The following SRGAP3 variants were observed in gnomAD, a reference collection of about 807,000 sequenced individuals.
SRGAP3 encodes SLIT-ROBO Rho GTPase activating protein 3.
SRGAP3 carries 39 observed loss-of-function variants against 121.1 expected under a neutral mutation model. The observed-to-expected ratio is 0.32, with a 90% CI of 0.25 to 0.42. SRGAP3 has a LOEUF of 0.42. Among genes scored for constraint, SRGAP3 ranks in the 10% least tolerant of loss-of-function variants. The pLI, the probability that SRGAP3 is intolerant of heterozygous loss-of-function variation, is 1.00. For missense variants in SRGAP3, 1,213 were observed against 1,470.6 expected, an observed-to-expected ratio of 0.82 and a Z score of 2.86; for synonymous variants, 601 against 570.0, an observed-to-expected ratio of 1.05 and a Z score of -0.77.
chr3:9,259,822 A>G (rs528518412), intron 3 of SRGAP3, among the ~76,000 whole-genome samples: 21 of 142,118 alleles, frequency 1.5e-4, no homozygotes, highest in African/African-American at 5.1e-4. Flanking sequence ...TCATTTAATG[A>G]GTTTAAATCT....
intron 1 of SRGAP3, among the ~76,000 whole-genome samples, chr3:9,146,455 T>A (rs767497148): frequency 3.3e-5 from 5 of 152,124 alleles, no homozygotes; most frequent in Non-Finnish European, 7.3e-5. Context: ...CAGCATCAAT[T>A]TCTATAACTG....
Position 9,013,517 on chromosome 3 carries a change from G to A in SRGAP3, c.1938C>T (p.Asp646=), listed in dbSNP as rs1250389353. The change falls in exon 17 of 22, where the codon GAC becomes GAT. Residue 646 remains aspartate, a synonymous_variant. Transcript: ENST00000383836. The part of the protein sequence containing the change: ...AFLNHLSQYS[D]ENMMDPYNLA... ...GGTTGTAGGGATCCATCATGTTCTC[G>A]TCGCTATACTGGGAGAGGCTAGGAG... The A allele has an allele frequency of 3.7e-6, 6 of 1,613,940 alleles. No individual in the cohort carries two copies. Among genetic ancestry groups the A allele is most frequent in the African/African-American group, 1.3e-5 (1 of 74,880 alleles).
chr3:9,050,288 C>G (rs549069612), intron 9 of SRGAP3, among the ~76,000 whole-genome samples: 78 of 152,258 alleles, frequency 5.1e-4, no homozygotes, highest in South Asian at 2.5e-3. Context: ...AAAAGCAGAG[C>G]TGAGGGGTAA....
At position 8,990,596 on chromosome 3, in the gene SRGAP3, C is replaced by G. The variant is rs1941979772; in HGVS notation, c.2802G>C (p.Gly934=). 6 of 1,605,024 alleles carry G rather than the reference C, an allele frequency of 3.7e-6. No individual in the cohort carries two copies. The East Asian group carries it at 1.3e-4, about 36-fold the overall frequency. ...NYPDKKALSE[G]HSMRSTCGST... The stretch of plus-strand genomic sequence containing the variant: ...AACCGCAGGTCGACCTCATCGAGTG[C>G]CCTTCGGAGAGCGCCTTCTTGTCAG... Residue 934 remains glycine (G), a synonymous_variant, in exon 21 of 22, where the codon GGG becomes GGC. Coordinates refer to ENST00000383836, the MANE Select transcript of SRGAP3 (RefSeq NM_014850.4).
At chr3:9,301,732 C>A (rs532518898) in intron 3 of SRGAP3, among the ~76,000 whole-genome samples, 1 of 152,172 alleles carries the variant, frequency 6.6e-6, no homozygotes, top group Non-Finnish European at 1.5e-5. Context: ...CAGGAATGAG[C>A]GTGGGACGCA....
chr3:9,330,037 C>A (rs1249844369), intron 2 of SRGAP3, among the ~76,000 whole-genome samples: 1 of 152,308 alleles, frequency 6.6e-6, no homozygotes, highest in East Asian at 1.9e-4. Context: ...TTCTATAAGA[C>A]TTCGCTGCCT....
At chr3:9,009,943 T>C (rs779171110) in intron 18 of SRGAP3, among the ~76,000 whole-genome samples, 23 of 152,204 alleles carry the variant, frequency 1.5e-4, no homozygotes, top group Non-Finnish European at 2.9e-4. Context: ...CAGCACAGGC[T>C]TGGCACAGAG....
At chr3:9,047,280 C>T in intron 10 of SRGAP3, 111 bp downstream of exon 10, 1 of 1,122,934 alleles carries the variant, frequency 8.9e-7, no homozygotes, top group South Asian at 1.3e-5. Flanking sequence ...CAGGTTCATT[C>T]TGCCAGGTGC....
At chr3:9,166,789 C>G (rs1950803458) in intron 1 of SRGAP3, among the ~76,000 whole-genome samples, 1 of 152,226 alleles carries the variant, frequency 6.6e-6, no homozygotes, top group African/African-American at 2.4e-5. Context: ...CTCTTGCAGT[C>G]ATCCAGGGCC....
intron 12 of SRGAP3, 141 bp from the exon 13 acceptor site, chr3:9,027,136 C>G (rs1944246806): frequency 5.0e-6 from 4 of 796,492 alleles, no homozygotes; most frequent in Non-Finnish European, 9.0e-6. Flanking sequence ...ACTGCTAATC[C>G]TAAAGTCTCC....
At chr3:9,328,703 A>G (rs1415943999) in intron 2 of SRGAP3, among the ~76,000 whole-genome samples, 1 of 152,238 alleles carries the variant, frequency 6.6e-6, no homozygotes, top group East Asian at 1.9e-4. Context: ...ATGTTAAACC[A>G]GAAAGGACTT....
chr3:9,036,280 A>C (rs1944738619), intron 11 of SRGAP3: 1 of 152,218 alleles, frequency 6.6e-6, no homozygotes, highest in African/African-American at 2.4e-5. Flanking sequence ...TCCATGGAAG[A>C]TACAGAGAGA....
chr3:9,099,755 G>A (rs1221916598), intron 3 of SRGAP3, among the ~76,000 whole-genome samples: 4 of 152,196 alleles, frequency 2.6e-5, no homozygotes, highest in African/African-American at 9.7e-5. Context: ...CTACTGAATC[G>A]GAAACTGTGG....
At chr3:9,259,169 A>G (rs994544660) in intron 3 of SRGAP3, among the ~76,000 whole-genome samples, 4 of 152,014 alleles carry the variant, frequency 2.6e-5, no homozygotes, top group African/African-American at 9.7e-5. Flanking sequence ...AGGCCCACCC[A>G]GACCACCCTA....
intron 7 of SRGAP3, among the ~76,000 whole-genome samples, chr3:9,057,994 C>G (rs1165217081): frequency 6.6e-6 from 1 of 152,112 alleles, no homozygotes; most frequent in Non-Finnish European, 1.5e-5. Context: ...ACTGGGGCTC[C>G]CTTGGAGTCT....
At chr3:9,298,323 C>T (rs921553109) in intron 3 of SRGAP3, among the ~76,000 whole-genome samples, 16 of 152,180 alleles carry the variant, frequency 1.1e-4, no homozygotes, top group African/African-American at 3.9e-4. Context: ...TTACTCTGGT[C>T]TTTCCACAGT....
chr3:9,010,218 T>A, intron 18 of SRGAP3, 90 bp downstream of exon 18: 1 of 1,444,714 alleles, frequency 6.9e-7, no homozygotes, highest in East Asian at 2.3e-5. Flanking sequence ...TGAAGAGGTC[T>A]ATGTGGGCCA....
At chr3:9,080,475 A>T (rs1300560958) in intron 3 of SRGAP3, among the ~76,000 whole-genome samples, 1 of 152,240 alleles carries the variant, frequency 6.6e-6, no homozygotes, top group East Asian at 1.9e-4. Context: ...GAATGGCTAC[A>T]GAGTGGGGTT....
intron 1 of SRGAP3, among the ~76,000 whole-genome samples, chr3:9,182,637 A>T (rs1004446786): frequency 3.3e-5 from 5 of 152,036 alleles, no homozygotes; most frequent in Non-Finnish European, 5.9e-5. Flanking sequence ...TTATTTTAAA[A>T]TTTTTTTAAT....
Sources: gnomAD v4.1 joint callset for allele counts (sites outside exome capture counted in the v4.1 genomes callset) on GRCh38, gnomAD v4.1.1 for gene constraint, MANE v1.5 for transcripts, NCBI Gene and HGNC (gene_info 2026-07-23, HGNC 2026-07-21) for gene names.